TRPM3: variants seen among roughly 807,000 people sequenced by gnomAD.
TRPM3 encodes the protein long transient receptor potential channel 3.
In TRPM3, 77 loss-of-function variants were observed where a neutral mutation model predicts 181.2. That is an observed-to-expected ratio of 0.42 (90% confidence interval 0.35 to 0.51). TRPM3 has a LOEUF of 0.51. Ranked by LOEUF, TRPM3 falls within the 20% of genes least tolerant of loss-of-function variation. The pLI, the probability that TRPM3 is intolerant of heterozygous loss-of-function variation, is 0.01. For missense variants in TRPM3, 1,759 were observed against 2,196.7 expected (o/e 0.80, Z 3.98); for synonymous variants, 745 against 796.4 (o/e 0.94, Z 1.09).
chr9:71,331,752 A>AG (rs2090147306), intron 1 of TRPM3, among the ~76,000 whole-genome samples: 1 of 84,176 alleles, frequency 1.2e-5, no homozygotes, highest in African/African-American at 4.7e-5. Flanking sequence ...GAGGAGGAAA[A>AG]GGGGGAGAAA....
chr9:71,217,171 C>T (rs958821798), intron 1 of TRPM3, among the ~76,000 whole-genome samples: 1 of 151,494 alleles, frequency 6.6e-6, no homozygotes, highest in South Asian at 2.1e-4. Flanking sequence ...AGGATGGTCT[C>T]GATCTCCTGA....
At position 70,535,553 on chromosome 9, in the gene TRPM3, T is replaced by G. The variant is rs995634328; in HGVS notation, c.*400A>C. 2.9e-5 allele frequency: 44 copies of G among 1,540,820 alleles called. No individual in the cohort carries two copies. Among genetic ancestry groups the G allele is most frequent in the Middle Eastern group, 3.4e-4 (2 of 5,920 alleles). On this transcript the variant is annotated 3_prime_UTR_variant, in exon 26 of 26. Transcript: ENST00000677713. ...TGGCTATTTTATTTTATTTTGCAATTTAGCCCTGCATCCTACAACTCTTGA... is the reference window on the plus strand; with the variant it reads ...TGGCTATTTTATTTTATTTTGCAATGTAGCCCTGCATCCTACAACTCTTGA...
At chr9:71,215,041 A>G (rs1186201972) in intron 1 of TRPM3, among the ~76,000 whole-genome samples, 1 of 40,134 alleles carries the variant, frequency 2.5e-5, no homozygotes, top group South Asian at 1.1e-3. Context: ...AACAAAAAAA[A>G]AAAAACAAAA....
intron 22 of TRPM3, among the ~76,000 whole-genome samples, chr9:70,581,123 C>T (rs2055530824): frequency 6.6e-6 from 1 of 152,210 alleles, no homozygotes; most frequent in Non-Finnish European, 1.5e-5. Context: ...GTCCATAAAA[C>T]ATATATGTCC....
At chr9:70,829,487 T>C (rs1252383306) in intron 5 of TRPM3, among the ~76,000 whole-genome samples, 5 of 152,180 alleles carry the variant, frequency 3.3e-5, no homozygotes, top group African/African-American at 1.2e-4. Flanking sequence ...CATTTAAATA[T>C]AAAATGTGTA....
chr9:71,364,575 C>T (rs1026789545), intron 1 of TRPM3, among the ~76,000 whole-genome samples: 2 of 152,224 alleles, frequency 1.3e-5, no homozygotes, highest in African/African-American at 4.8e-5. Context: ...CATAAATCCT[C>T]TTAGAATTTC....
intron 6 of TRPM3, among the ~76,000 whole-genome samples, chr9:70,786,446 T>C (rs1190246345): frequency 6.6e-6 from 1 of 151,680 alleles, no homozygotes; most frequent in African/African-American, 2.4e-5. Context: ...GATCACACGA[T>C]TGTGCTCCAG....
intron 22 of TRPM3, among the ~76,000 whole-genome samples, chr9:70,556,447 T>G (rs150998750): frequency 3.6e-4 from 55 of 152,236 alleles, no homozygotes; most frequent in Admixed American, 8.5e-4. Context: ...TCTGGCTGAG[T>G]GCAGTGGCTC....
chr9:71,005,059 T>C (rs922223422), intron 1 of TRPM3, among the ~76,000 whole-genome samples: 7 of 152,096 alleles, frequency 4.6e-5, no homozygotes, highest in African/African-American at 1.4e-4. Context: ...AGGAAGCCAA[T>C]TTGAGAAAAT....
chr9:70,896,690 A>G (rs1275031255), intron 1 of TRPM3, among the ~76,000 whole-genome samples: 2 of 152,132 alleles, frequency 1.3e-5, no homozygotes, highest in African/African-American at 2.4e-5. Flanking sequence ...CAATTAAGAT[A>G]TTTTAACATT....
chr9:70,967,613 C>A (rs115656398), intron 1 of TRPM3, among the ~76,000 whole-genome samples: 1 of 152,110 alleles, frequency 6.6e-6, no homozygotes, highest in African/African-American at 2.4e-5. Context: ...TCCCATGGAA[C>A]ACATAAGATG....
intron 14 of TRPM3, among the ~76,000 whole-genome samples, chr9:70,622,048 C>G (rs143543343): frequency 1.3e-5 from 2 of 152,176 alleles, no homozygotes; most frequent in East Asian, 3.9e-4. Context: ...AGGGGGGACA[C>G]TTTCTGGGAG....
chr9:71,133,838 T>C (rs2074538212), intron 1 of TRPM3, among the ~76,000 whole-genome samples: 1 of 152,226 alleles, frequency 6.6e-6, no homozygotes, highest in Admixed American at 6.5e-5. Context: ...ATTTCCAATC[T>C]AAGCACAGAC....
At chr9:71,046,315 T>C (rs1487377826) in intron 1 of TRPM3, among the ~76,000 whole-genome samples, 1 of 152,136 alleles carries the variant, frequency 6.6e-6, no homozygotes, top group Non-Finnish European at 1.5e-5. Context: ...ACTAAACTCT[T>C]TTATCTCAGA....
At chr9:71,002,648 A>G (rs1378472115) in intron 1 of TRPM3, among the ~76,000 whole-genome samples, 1 of 152,126 alleles carries the variant, frequency 6.6e-6, no homozygotes, top group Non-Finnish European at 1.5e-5. Context: ...TTAACATTTG[A>G]TTAGGATAAT....
chr9:71,253,598 T>C (rs1008224979), intron 1 of TRPM3, among the ~76,000 whole-genome samples: 2 of 152,152 alleles, frequency 1.3e-5, no homozygotes, highest in African/African-American at 2.4e-5. Flanking sequence ...AAATTTATCC[T>C]CCTAGAAACT....
chr9:70,935,360 G>T (rs2096819033), intron 1 of TRPM3, among the ~76,000 whole-genome samples: 1 of 152,130 alleles, frequency 6.6e-6, no homozygotes, highest in African/African-American at 2.4e-5. Context: ...CCCCTACTAT[G>T]GTGTGAGAGT....
At chr9:71,145,823 T>C (rs985895879) in intron 1 of TRPM3, among the ~76,000 whole-genome samples, 6 of 151,986 alleles carry the variant, frequency 3.9e-5, no homozygotes, top group Admixed American at 6.6e-5. Context: ...GAATAAAAGA[T>C]TAAAATCAAG....
At chr9:71,368,013 T>C (rs1235265857) in intron 1 of TRPM3, among the ~76,000 whole-genome samples, 3 of 152,040 alleles carry the variant, frequency 2.0e-5, no homozygotes, top group African/African-American at 7.2e-5. Context: ...TGTGAGTGTA[T>C]GTGTACACAC....
Sources: allele counts gnomAD v4.1 joint callset (sites outside exome capture counted in the v4.1 genomes callset), GRCh38; gene constraint gnomAD v4.1.1; transcripts MANE v1.5; gene names NCBI Gene and HGNC (gene_info 2026-07-23, HGNC 2026-07-21).